The following POMP variants were observed in gnomAD, a reference collection of about 807,000 sequenced individuals.
The protein encoded by POMP is 2510048O06Rik.
POMP carries 12 observed loss-of-function variants against 20.6 expected under a neutral mutation model. That is an observed-to-expected ratio of 0.58 (90% CI 0.37 to 0.94). POMP has a LOEUF of 0.94. POMP is among the 40% of genes least tolerant of loss of function. The pLI, the probability that POMP is intolerant of heterozygous loss-of-function variation, is 0.01. For missense variants in POMP, 136 were observed against 161.1 expected (o/e 0.84, Z 0.84); for synonymous variants, 53 against 55.0 (o/e 0.96, Z 0.16).
intron 5 of POMP, among the ~76,000 whole-genome samples, chr13:28,676,219 T>C (rs1390203293): frequency 6.6e-6 from 1 of 152,194 alleles, no homozygotes; most frequent in Middle Eastern, 3.4e-3. Context: ...TTAGCCAGGA[T>C]GGTCTCGATC....
chr13:28,659,263 C>T (rs888179376), intron 1 of POMP, 76 bp downstream of exon 1: 14 of 1,547,894 alleles, frequency 9.0e-6, no homozygotes, highest in South Asian at 2.4e-5. Context: ...CAGTCGCCTC[C>T]CAACCCGTCC....
rs1433999504 is a variant in POMP at position 28,664,578 on chromosome 13, A to G, written c.162+9A>G. On this transcript the variant is annotated intron_variant, in intron 3 of 5. Coordinates refer to ENST00000380842, the MANE Select transcript of POMP (RefSeq NM_015932.6). ...AATTATCAGAAAAAAATGTAAGTAT[A>G]TTATTATGTCCTTATTTTTATCTTC... 1.4e-6 allele frequency: 2 copies of G among 1,439,052 alleles called. No individual in the cohort carries two copies. The highest frequency in any genetic ancestry group is 1.7e-5 in the Admixed American group (1 of 58,396). 89.1% of individuals were successfully genotyped at this position (1,439,052 alleles called of 1,614,324 possible). A position where few individuals can be genotyped will look rare whatever the true frequency, so the allele number is the denominator to read the frequency against.
intron 4 of POMP, among the ~76,000 whole-genome samples, chr13:28,669,430 C>T (rs1473016235): frequency 6.6e-6 from 1 of 152,086 alleles, no homozygotes; most frequent in Admixed American, 6.6e-5. Flanking sequence ...GGCTGGAGTG[C>T]AGTGGTATGA....
chr13:28,660,806 C>T (rs965246097), intron 1 of POMP, among the ~76,000 whole-genome samples: 2 of 152,060 alleles, frequency 1.3e-5, no homozygotes, highest in Non-Finnish European at 2.9e-5. Flanking sequence ...CTTCAGACAT[C>T]GATGAACCAA....
intron 1 of POMP, among the ~76,000 whole-genome samples, chr13:28,661,617 G>A (rs1214846498): frequency 6.6e-6 from 1 of 152,190 alleles, no homozygotes; most frequent in Non-Finnish European, 1.5e-5. Flanking sequence ...ATAGTAGATG[G>A]CTAATAAGTA....
At chr13:28,677,184 T>G (rs536816033) in intron 5 of POMP, among the ~76,000 whole-genome samples, 1 of 151,630 alleles carries the variant, frequency 6.6e-6, no homozygotes, top group East Asian at 1.9e-4. Flanking sequence ...TCTTTCTATG[T>G]AGTCAAAAAT....
chr13:28,659,311 G>C (rs925798374), intron 1 of POMP, 124 bp downstream of exon 1: 2 of 1,459,124 alleles, frequency 1.4e-6, no homozygotes, highest in Admixed American at 3.9e-5. Context: ...GGCTGAGGCC[G>C]GCCTCAGGCG....
chr13:28,670,892 CA>C (rs1884534716), intron 4 of POMP, among the ~76,000 whole-genome samples: 1 of 151,980 alleles, frequency 6.6e-6, no homozygotes, highest in South Asian at 2.1e-4. Flanking sequence ...ACTAAAAATA[CA>C]AAAATTAGCC....
At chr13:28,663,578 G>T (rs1349627407) in intron 2 of POMP, among the ~76,000 whole-genome samples, 4 of 152,172 alleles carry the variant, frequency 2.6e-5, no homozygotes, top group Non-Finnish European at 5.9e-5. Flanking sequence ...CCAGAGTGCT[G>T]GGATTACAGG....
intron 5 of POMP, among the ~76,000 whole-genome samples, chr13:28,676,442 T>C (rs1463654014): frequency 6.6e-6 from 1 of 152,230 alleles, no homozygotes; most frequent in Non-Finnish European, 1.5e-5. Flanking sequence ...ATTTTTCTTA[T>C]TTATTATTTG....
chr13:28,663,662 C>T (rs1420768896), intron 2 of POMP, among the ~76,000 whole-genome samples: 3 of 152,156 alleles, frequency 2.0e-5, no homozygotes, highest in Non-Finnish European at 2.9e-5. Flanking sequence ...TGTCTGAGTA[C>T]AAATATAATC....
chr13:28,675,380 C>G (rs1884611538), intron 5 of POMP, among the ~76,000 whole-genome samples: 1 of 152,126 alleles, frequency 6.6e-6, no homozygotes, highest in South Asian at 2.1e-4. Flanking sequence ...CTCCGGTAGT[C>G]TGCCCGCCTC....
At position 28,662,510 on chromosome 13, in the gene POMP, AT is replaced by A; in HGVS notation, c.101+4del. ...AGTCATGATCTTCTTCGGAAAGGGT[AT>A]ATGGGGGAGTTATGACTTTGATTTT... is the stretch of plus-strand genomic sequence containing the variant. On this transcript the variant is annotated splice_donor_region_variant and intron_variant, in intron 2 of 5. Transcript: ENST00000380842. The A allele has an allele frequency of 6.3e-7, 1 of 1,599,722 alleles. No individual in the cohort carries two copies. Among genetic ancestry groups the A allele is most frequent in the Non-Finnish European group, 8.6e-7 (1 of 1,166,934 alleles).
rs987405267 is a variant in POMP, at chr13:28,668,465, T to C, written c.163-8T>C. ...GTGTAATGTTTAAAATTACATTGTCTTTTGTAGTTCCAGCTCAACCAAGAT... is the reference window on the plus strand; with the variant it reads ...GTGTAATGTTTAAAATTACATTGTCCTTTGTAGTTCCAGCTCAACCAAGAT... On this transcript the variant is annotated splice_region_variant and splice_polypyrimidine_tract_variant and intron_variant, in intron 3 of 5. Transcript: ENST00000380842. 3.2e-6 allele frequency: 5 copies of C among 1,581,162 alleles called. No individual in the cohort carries two copies. Among genetic ancestry groups the C allele is most frequent in the Non-Finnish European group, 3.5e-6 (4 of 1,150,350 alleles).
chr13:28,677,900 C>T, intron 5 of POMP, 135 bp from the exon 6 acceptor site: 1 of 859,874 alleles, frequency 1.2e-6, no homozygotes, highest in Non-Finnish European at 1.9e-6. Flanking sequence ...CCCACCCCAG[C>T]CCCAGGCAAT....
chr13:28,678,229 A>T lies in POMP; in HGVS notation c.*127A>T. 1.0e-6 allele frequency: 1 copy of T among 959,986 alleles called. No homozygotes were observed. The highest frequency in any genetic ancestry group is 1.9e-5 in the Admixed American group (1 of 51,800). The allele number at this position is 959,986 out of a possible 1,614,324, so 59.5% of individuals were successfully genotyped here. ...TTCTGCTCAAGTAGTATCAGTGATC[A>T]TTTAAAATTTGGAGGGGTCTTTGGT... On this transcript the variant is annotated 3_prime_UTR_variant, in exon 6 of 6. Coordinates refer to ENST00000380842, the MANE Select transcript of POMP (RefSeq NM_015932.6).
In POMP at chr13:28,664,531, C is replaced by A; in HGVS notation, c.124C>A (p.Leu42Ile). ...CAGTTTTTCTTGTGTGAAAAATGAACTTTTGCCTAGTCATCCCCTTGAATT... is the reference window on the plus strand; with the variant it reads ...CAGTTTTTCTTGTGTGAAAAATGAAATTTTGCCTAGTCATCCCCTTGAATT... ...RKGFSCVKNE[L>I]LPSHPLELSE... is the part of the protein sequence containing the mutation. The change falls in exon 3 of 6, where the codon CTT (leucine) becomes ATT (isoleucine). Residue 42 changes from leucine to isoleucine, a missense_variant. Transcript: ENST00000380842. 6.3e-7 allele frequency: 1 copy of A among 1,578,888 alleles called. No individual in the cohort carries two copies. The highest frequency in any genetic ancestry group is 8.7e-7 in the Non-Finnish European group (1 of 1,150,312).
intron 5 of POMP, among the ~76,000 whole-genome samples, chr13:28,676,513 C>T (rs1458257400): frequency 1.3e-5 from 2 of 152,088 alleles, no homozygotes; most frequent in African/African-American, 4.8e-5. Flanking sequence ...CAGTTGTGTT[C>T]CCAGTACCTG....
rs1310520090 is a variant in POMP at position 28,659,163 on chromosome 13, G to A, written c.-22G>A. On this transcript the variant is annotated 5_prime_UTR_variant, in exon 1 of 6. Transcript: ENST00000380842. ...CGACTGACGGTAACGGGGCAGAGAG[G>A]CTGTTCGCAGAGCTGCGGAAGATGG... The A allele has an allele frequency of 1.9e-6, 3 of 1,583,300 alleles. No homozygotes were observed. Among genetic ancestry groups the A allele is most frequent in the Admixed American group, 3.6e-5 (2 of 55,662 alleles).
Sources: allele counts gnomAD v4.1 joint callset (sites outside exome capture counted in the v4.1 genomes callset), GRCh38; gene constraint gnomAD v4.1.1; transcripts MANE v1.5; gene names NCBI Gene and HGNC (gene_info 2026-07-23, HGNC 2026-07-21).